SPAG16: variants seen among roughly 807,000 people sequenced by gnomAD.
SPAG16 encodes the protein sperm-associated antigen 16 protein.
A neutral mutation model predicts 80.4 loss-of-function variants in SPAG16; 86 were observed. The ratio of observed to expected loss-of-function variants is 1.07; its 90% CI spans 0.90 to 1.28. SPAG16 has a LOEUF of 1.28. Ranked by LOEUF, SPAG16 falls within the 50% of genes most tolerant of loss-of-function variation. The pLI, the probability that SPAG16 is intolerant of heterozygous loss-of-function variation, is 0.00. For synonymous variants in SPAG16, 294 were observed against 265.9 expected (o/e 1.11, Z -1.03); for missense variants, 870 against 765.3 (o/e 1.14, Z -1.61).
At chr2:214,296,659 A>G (rs1390523783) in intron 15 of SPAG16, among the ~76,000 whole-genome samples, 7 of 152,126 alleles carry the variant, frequency 4.6e-5, no homozygotes, top group African/African-American at 1.7e-4. Context: ...ACCTTTTATT[A>G]CATGTTTATT....
At chr2:213,996,937 A>G (rs906853810) in intron 12 of SPAG16, among the ~76,000 whole-genome samples, 2 of 151,932 alleles carry the variant, frequency 1.3e-5, no homozygotes, top group South Asian at 4.2e-4. Context: ...TTTTTTAAAT[A>G]TTTTTTCTTA....
At chr2:213,973,825 A>G (rs900371514) in intron 12 of SPAG16, among the ~76,000 whole-genome samples, 4 of 152,078 alleles carry the variant, frequency 2.6e-5, no homozygotes, top group African/African-American at 7.2e-5. Context: ...TTATATTCCA[A>G]TTTAAGTTAA....
chr2:214,129,605 A>G (rs1234278211), intron 14 of SPAG16, among the ~76,000 whole-genome samples: 2 of 152,152 alleles, frequency 1.3e-5, no homozygotes, highest in Admixed American at 6.6e-5. Flanking sequence ...CCTTCCTCCT[A>G]TACAAAATAA....
chr2:214,020,370 A>G (rs1398221476), intron 13 of SPAG16, among the ~76,000 whole-genome samples: 1 of 152,186 alleles, frequency 6.6e-6, no homozygotes, highest in African/African-American at 2.4e-5. Flanking sequence ...TACACCTGAA[A>G]TAAAAATAAT....
intron 15 of SPAG16, among the ~76,000 whole-genome samples, chr2:214,347,855 C>G (rs761264119): frequency 1.3e-5 from 2 of 152,040 alleles, no homozygotes; most frequent in African/African-American, 2.4e-5. Context: ...CTCAGAAAAC[C>G]ATTCAGCTGT....
intron 1 of SPAG16, among the ~76,000 whole-genome samples, chr2:213,286,494 G>T (rs2062061130): frequency 6.6e-6 from 1 of 152,230 alleles, no homozygotes; most frequent in Non-Finnish European, 1.5e-5. Flanking sequence ...CCTGTGTAAT[G>T]TTGTTTGACA....
intron 15 of SPAG16, among the ~76,000 whole-genome samples, chr2:214,335,112 T>C (rs1375065763): frequency 6.6e-6 from 1 of 152,192 alleles, no homozygotes; most frequent in East Asian, 1.9e-4. Context: ...TAGGAAGTTT[T>C]GAAGCTGCGG....
chr2:213,341,733 G>T (rs1341758090), intron 6 of SPAG16, among the ~76,000 whole-genome samples: 1 of 151,920 alleles, frequency 6.6e-6, no homozygotes, highest in South Asian at 2.1e-4. Context: ...AGTGATGGGG[G>T]TCTCACTTTG....
At chr2:213,712,145 A>G (rs2066023498) in intron 10 of SPAG16, among the ~76,000 whole-genome samples, 1 of 152,148 alleles carries the variant, frequency 6.6e-6, no homozygotes, top group Non-Finnish European at 1.5e-5. Context: ...GTGTGTATGT[A>G]TACATGTATA....
chr2:213,573,375 C>T (rs1488800906), intron 10 of SPAG16, among the ~76,000 whole-genome samples: 1 of 152,226 alleles, frequency 6.6e-6, no homozygotes, highest in East Asian at 1.9e-4. Context: ...TTTGACATCT[C>T]TCTGTTCTTC....
chr2:213,465,506 T>C (rs1387754670), intron 9 of SPAG16, among the ~76,000 whole-genome samples: 1 of 152,236 alleles, frequency 6.6e-6, no homozygotes, highest in African/African-American at 2.4e-5. Context: ...ATGTTCAGGC[T>C]TCCCAAGTTT....
chr2:214,160,426 A>G lies in SPAG16; in HGVS notation c.1720+11160A>G, dbSNP rs1045274355. Among the ~76,000 whole-genome samples, 5 of 151,092 alleles carry G rather than the reference A, an allele frequency of 3.3e-5. No homozygotes were observed. The East Asian group carries it at 7.8e-4, about 24-fold the overall frequency. ...TGCTACTTGTGCTTATTTTCCTTCT[A>G]CTTCTTTTGCTGTTCTTACTCCCCC... On this transcript the variant is annotated intron_variant, in intron 15 of 15. Transcript: ENST00000331683.
intron 9 of SPAG16, among the ~76,000 whole-genome samples, chr2:213,419,607 A>G (rs534508176): frequency 6.6e-6 from 1 of 152,224 alleles, no homozygotes. Context: ...GAAAAAGAAC[A>G]CCTTTTTAAA....
intron 13 of SPAG16, among the ~76,000 whole-genome samples, chr2:214,036,332 G>A (rs2048696795): frequency 6.6e-6 from 1 of 152,026 alleles, no homozygotes; most frequent in African/African-American, 2.4e-5. Flanking sequence ...TACTTTCCTT[G>A]GCTTAGCACT....
At chr2:214,009,303 A>G (rs1354821946) in intron 12 of SPAG16, among the ~76,000 whole-genome samples, 2 of 152,106 alleles carry the variant, frequency 1.3e-5, no homozygotes, top group Admixed American at 1.3e-4. Flanking sequence ...GTGAAACTTC[A>G]GTTCTACTGG....
At chr2:213,523,834 T>C (rs1478491105) in intron 10 of SPAG16, among the ~76,000 whole-genome samples, 1 of 152,174 alleles carries the variant, frequency 6.6e-6, no homozygotes, top group Non-Finnish European at 1.5e-5. Context: ...TTACAGTGTC[T>C]AGCAGAAGAA....
intron 13 of SPAG16, among the ~76,000 whole-genome samples, chr2:214,031,511 G>A (rs940524533): frequency 2.9e-5 from 4 of 140,290 alleles, no homozygotes; most frequent in African/African-American, 1.1e-4. Flanking sequence ...CGAGTTAATG[G>A]GTGCAGCACA....
At chr2:213,552,096 GAT>G (rs1040930189) in intron 10 of SPAG16, among the ~76,000 whole-genome samples, 1 of 152,152 alleles carries the variant, frequency 6.6e-6, no homozygotes, top group African/African-American at 2.4e-5. Flanking sequence ...GGTGTGCAGA[GAT>G]ATTTGGTCCT....
At chr2:213,657,384 G>A (rs984637971) in intron 10 of SPAG16, among the ~76,000 whole-genome samples, 8 of 151,978 alleles carry the variant, frequency 5.3e-5, no homozygotes, top group African/African-American at 1.4e-4. Flanking sequence ...CATAAGAAGC[G>A]CTCCTTGAGC....
Sources: gnomAD v4.1 joint callset for allele counts (sites outside exome capture counted in the v4.1 genomes callset) on GRCh38, gnomAD v4.1.1 for gene constraint, MANE v1.5 for transcripts, NCBI Gene and HGNC (gene_info 2026-07-23, HGNC 2026-07-21) for gene names.